Variants in CLEC4M observed in about 807,000 individuals in gnomAD.
CLEC4M encodes CD209 antigen-like protein 1.
A neutral mutation model predicts 39.1 loss-of-function variants in CLEC4M; 25 were observed. That is an observed-to-expected ratio of 0.64 (90% CI 0.47 to 0.89). The LOEUF (loss-of-function observed/expected upper bound fraction) is 0.89. CLEC4M is among the 40% of genes least tolerant of loss of function. The probability of loss-of-function intolerance (pLI) is 0.00; values close to 1 mark genes in which losing one functional copy is unlikely to be tolerated. For missense variants in CLEC4M, 353 were observed against 431.4 expected, an observed-to-expected ratio of 0.82 and a Z score of 1.61; for synonymous variants, 155 against 177.4, an observed-to-expected ratio of 0.87 and a Z score of 1.00.
chr19:7,766,832 C>T, intron 5 of CLEC4M, 25 bp downstream of exon 5: 1 of 1,614,086 alleles, frequency 6.2e-7, no homozygotes, highest in Middle Eastern at 1.7e-4. Context: ...GGTCCTCGTC[C>T]TGGCCTGGGG....
At position 7,766,633 on chromosome 19, in the gene CLEC4M, C is replaced by A. The variant is rs770281758; in HGVS notation, c.785-23C>A. ...TATGGACAACCTAATCTGAGCCCAGCCCTGACCAGCCTCCCCCAACAGAAC... is the reference window on the plus strand; with the variant it reads ...TATGGACAACCTAATCTGAGCCCAGACCTGACCAGCCTCCCCCAACAGAAC... On this transcript the variant is annotated intron_variant, in intron 4 of 6. Transcript: ENST00000327325. The A allele has an allele frequency of 1.6e-4, 257 of 1,613,960 alleles. 1 individual carries two copies. The East Asian group carries it at 5.7e-3, about 36-fold the overall frequency.
At chr19:7,767,830 C>T in intron 6 of CLEC4M, 1 of 556,000 alleles carries the variant, frequency 1.8e-6, no homozygotes, top group Non-Finnish European at 3.2e-6. Context: ...AGCAGAGCTG[C>T]AGGAGGAGCT....
intron 6 of CLEC4M, chr19:7,768,374 A>G (rs1432259694): frequency 5.8e-5 from 9 of 155,728 alleles, no homozygotes; most frequent in African/African-American, 1.7e-4. Context: ...AAGAGATCAA[A>G]ACCATGCTGG....
At position 7,768,806 on chromosome 19, in the gene CLEC4M, G is replaced by A. The variant is rs200622531; in HGVS notation, c.1050-32G>A. ...GAGTGTGGCTCATCTACTGGGCAGGGCAGAGGCTCACATTCTGCATGGGCT... is the reference window on the plus strand; with the variant it reads ...GAGTGTGGCTCATCTACTGGGCAGGACAGAGGCTCACATTCTGCATGGGCT... On this transcript the variant is annotated intron_variant, in intron 6 of 6. Coordinates refer to ENST00000327325, the MANE Select transcript of CLEC4M (RefSeq NM_014257.5). 4.2e-4 allele frequency: 668 copies of A among 1,609,422 alleles called. 6 individuals carry two copies. In the South Asian group the frequency reaches 6.7e-3, roughly 16 times the overall value.
chr19:7,766,911 TTGGAAAGA>T lies in CLEC4M; in HGVS notation c.936+108_936+115del, dbSNP rs374219191. Reference sequence around the variant, plus strand: ...TTGCAGAAGAGGGGCTTTGCTCTATTTGGAAAGATGGGAAGAGAAGGATATGAATGAAG... The same window carrying T: ...TTGCAGAAGAGGGGCTTTGCTCTATTTGGGAAGAGAAGGATATGAATGAAG... On this transcript the variant is annotated intron_variant, in intron 5 of 6. Transcript: ENST00000327325. 921 of 1,571,980 alleles carry T rather than the reference TTGGAAAGA, an allele frequency of 5.9e-4. 8 individuals carry two copies. The African/African-American group carries it at 0.011, about 18-fold the overall frequency.
At chr19:7,766,541 A>T in intron 4 of CLEC4M, 115 bp from the exon 5 acceptor site, 2 of 1,559,596 alleles carry the variant, frequency 1.3e-6, no homozygotes, top group Non-Finnish European at 1.7e-6. Flanking sequence ...CAAGCGGTCC[A>T]CCCAACATGG....
intron 2 of CLEC4M, 39 bp from the exon 3 acceptor site, chr19:7,765,146 T>C (rs1383198135): frequency 6.2e-7 from 1 of 1,608,186 alleles, no homozygotes; most frequent in Admixed American, 1.7e-5. Flanking sequence ...CAGGCTCAGG[T>C]GGGAACACTG....
rs571493120 is a variant in CLEC4M at position 7,766,585 on chromosome 19, T to A, written c.785-71T>A. The A allele has an allele frequency of 6.9e-6, 11 of 1,602,478 alleles. No individual in the cohort carries two copies. In the African/African-American group the frequency reaches 1.5e-4, roughly 21 times the overall value. ...GGAAGGGCCCTGATTTTCAAGGGCT[T>A]GAAGGCTGGGCAGATATGGGAATAT... On this transcript the variant is annotated intron_variant, in intron 4 of 6. Transcript: ENST00000327325.
rs1405721555 is a variant in CLEC4M, at chr19:7,765,246, C to A, written c.192C>A (p.Val64=). The change falls in exon 3 of 7, where the codon GTC becomes GTA. Residue 64 remains valine (V), a synonymous_variant. Transcript: ENST00000327325. Reference sequence around the variant, plus strand: ...TCTCCTTCATGCTCTTGGCTGGGGTCCTGGTGGCCATCCTTGTCCAAGGTC... The same window carrying A: ...TCTCCTTCATGCTCTTGGCTGGGGTACTGGTGGCCATCCTTGTCCAAGGTC... ...QLLSFMLLAG[V]LVAILVQVSK... is the part of the protein sequence containing the mutation. The A allele has an allele frequency of 6.2e-7, 1 of 1,614,172 alleles. No homozygotes were observed.
chr19:7,764,239 A>G (rs1286172918), intron 2 of CLEC4M, among the ~76,000 whole-genome samples: 3 of 152,124 alleles, frequency 2.0e-5, no homozygotes, highest in Non-Finnish European at 4.4e-5. Context: ...TGCAGGGGGA[A>G]GCATATTACA....
chr19:7,766,949 C>A, intron 5 of CLEC4M, 142 bp downstream of exon 5: 2 of 1,408,794 alleles, frequency 1.4e-6, no homozygotes, highest in Non-Finnish European at 1.9e-6. Flanking sequence ...ATGAAGGGGT[C>A]CCAGGTACCC....
chr19:7,769,067 A>G lies in CLEC4M; in HGVS notation c.*79A>G. ...TTGTAAGCCAGCGCTTCTTCTCTCC[A>G]TCCTTGGACCTTCACAAATGCCCTG... On this transcript the variant is annotated 3_prime_UTR_variant, in exon 7 of 7. Coordinates refer to ENST00000327325, the MANE Select transcript of CLEC4M (RefSeq NM_014257.5). The G allele has an allele frequency of 6.9e-7, 1 of 1,449,822 alleles. No homozygotes were observed. Among genetic ancestry groups the G allele is most frequent in the Non-Finnish European group, 9.5e-7 (1 of 1,051,612 alleles). 89.8% of individuals were successfully genotyped at this position (1,449,822 alleles called of 1,614,324 possible).
In CLEC4M at chr19:7,767,540, A is replaced by T; in HGVS notation, c.961A>T (p.Arg321Trp). 1 of 1,614,168 alleles carries T rather than the reference A, an allele frequency of 6.2e-7. No homozygotes were observed. Among genetic ancestry groups the T allele is most frequent in the Non-Finnish European group, 8.5e-7 (1 of 1,179,990 alleles). ...EQNFLQLQTS[R>W]SNRFSWMGLS... ...GAACTTCCTACAGCTGCAGACTTCC[A>T]GGAGTAACCGCTTCTCCTGGATGGG... is the stretch of plus-strand genomic sequence containing the variant. Residue 321 changes from arginine to tryptophan, a missense_variant, in exon 6 of 7, where the codon AGG (arginine) becomes TGG (tryptophan). This residue lies in a region of CLEC4M where 196 missense variants were observed against 211.7 expected (regional missense o/e 0.93). Coordinates refer to ENST00000327325, the MANE Select transcript of CLEC4M (RefSeq NM_014257.5).
chr19:7,764,623 G>T (rs903726415), intron 2 of CLEC4M, among the ~76,000 whole-genome samples: 7 of 151,856 alleles, frequency 4.6e-5, no homozygotes, highest in African/African-American at 1.5e-4. Flanking sequence ...CGAGTAGCTG[G>T]GACTACAGGC....
chr19:7,765,176 C>T lies in CLEC4M; in HGVS notation c.131-9C>T, dbSNP rs1241433166. The T allele has an allele frequency of 2.5e-6, 4 of 1,614,032 alleles. No individual in the cohort carries two copies. Among genetic ancestry groups the T allele is most frequent in the Non-Finnish European group, 2.5e-6 (3 of 1,179,908 alleles). On this transcript the variant is annotated splice_polypyrimidine_tract_variant and intron_variant, in intron 2 of 6. Coordinates refer to ENST00000327325, the MANE Select transcript of CLEC4M (RefSeq NM_014257.5). ...ACACTGGCAGGCTGACGCATGTATCCTCTCTCAGGGTGTCTTGGCCATGGC... is the reference window on the plus strand; with the variant it reads ...ACACTGGCAGGCTGACGCATGTATCTTCTCTCAGGGTGTCTTGGCCATGGC...
At chr19:7,764,455 TTTTTA>T (rs2034155826) in intron 2 of CLEC4M, among the ~76,000 whole-genome samples, 1 of 151,982 alleles carries the variant, frequency 6.6e-6, no homozygotes, top group East Asian at 1.9e-4. Flanking sequence ...AGTTAATTCT[TTTTTA>T]TTTTATTTAT....
chr19:7,769,005 C>T lies in CLEC4M; in HGVS notation c.*17C>T, dbSNP rs2034406962. On this transcript the variant is annotated 3_prime_UTR_variant, in exon 7 of 7. Coordinates refer to ENST00000327325, the MANE Select transcript of CLEC4M (RefSeq NM_014257.5). Reference sequence around the variant, plus strand: ...GACGAATAGTTGTTTCCCTGCTAGCCTCAGCCTCCATTGTGGTATAGCAGA... The same window carrying T: ...GACGAATAGTTGTTTCCCTGCTAGCTTCAGCCTCCATTGTGGTATAGCAGA... 6.2e-7 allele frequency: 1 copy of T among 1,612,422 alleles called. No individual in the cohort carries two copies. Among genetic ancestry groups the T allele is most frequent in the Non-Finnish European group, 8.5e-7 (1 of 1,178,908 alleles).
chr19:7,769,202 G>A lies in CLEC4M; in HGVS notation c.*214G>A, dbSNP rs2034415786. On this transcript the variant is annotated 3_prime_UTR_variant, in exon 7 of 7. Transcript: ENST00000327325. ...GAGCTTGTGTTCTTGGCCCATCCTTGGAGCTTTATAAGTGACCTGAGTGGG... is the reference window on the plus strand; with the variant it reads ...GAGCTTGTGTTCTTGGCCCATCCTTAGAGCTTTATAAGTGACCTGAGTGGG... 2 of 489,752 alleles carry A rather than the reference G, an allele frequency of 4.1e-6. No homozygotes were observed. The highest frequency in any genetic ancestry group is 3.6e-5 in the East Asian group (1 of 28,044). The allele number at this position is 489,752 out of a possible 1,614,324, so 30.3% of individuals were successfully genotyped here.
intron 5 of CLEC4M, 48 bp from the exon 6 acceptor site, chr19:7,767,468 G>A (rs375206936): frequency 4.7e-5 from 69 of 1,459,598 alleles, no homozygotes; most frequent in Non-Finnish European, 6.5e-5. Flanking sequence ...GGTGGAACCT[G>A]GAAAATGGGA....
Sources: allele counts gnomAD v4.1 joint callset (sites outside exome capture counted in the v4.1 genomes callset), GRCh38; gene constraint gnomAD v4.1.1; regional missense constraint gnomAD v4.1.1; transcripts MANE v1.5; gene names NCBI Gene and HGNC (gene_info 2026-07-23, HGNC 2026-07-21).